Variants in AHCTF1 observed in about 807,000 individuals in gnomAD.
AHCTF1 encodes AT-hook containing transcription factor 1.
In AHCTF1, 24 loss-of-function variants were observed where a neutral mutation model predicts 248.4. The ratio of observed to expected loss-of-function variants is 0.10; its 90% CI spans 0.07 to 0.14. The LOEUF (loss-of-function observed/expected upper bound fraction) is 0.14, where lower values mean the gene tolerates loss of function less well. Ranked by LOEUF, AHCTF1 falls within the 10% of genes least tolerant of loss-of-function variation. The pLI, the probability that AHCTF1 is intolerant of heterozygous loss-of-function variation, is 1.00. For synonymous variants in AHCTF1, 786 were observed against 929.8 expected (o/e 0.85, Z 2.81); for missense variants, 2,206 against 2,636.2 (o/e 0.84, Z 3.57).
At chr1:246,910,608 A>C (rs1665732896) in intron 4 of AHCTF1, among the ~76,000 whole-genome samples, 1 of 152,202 alleles carries the variant, frequency 6.6e-6, no homozygotes, top group South Asian at 2.1e-4. Flanking sequence ...TAACTATCTG[A>C]AGATGTCTGA....
In AHCTF1 at chr1:246,900,447, A is replaced by G; in HGVS notation, c.1140T>C (p.Val380=). ...VNEALSPDTS[V]SVFTWQVNIY... is the part of the protein sequence containing the mutation. ...TATTCACCTGCCAGGTAAAGACTGA[A>G]ACACTAGTGTCAGGCGATAGAGCTG... is the stretch of plus-strand genomic sequence containing the variant. The change falls in exon 9 of 36, where the codon GTT becomes GTC. Residue 380 remains valine (V), a synonymous_variant. Transcript: ENST00000648844. 1 of 1,592,724 alleles carries G rather than the reference A, an allele frequency of 6.3e-7. No individual in the cohort carries two copies. The highest frequency in any genetic ancestry group is 8.5e-7 in the Non-Finnish European group (1 of 1,175,628).
intron 24 of AHCTF1, among the ~76,000 whole-genome samples, chr1:246,870,347 CAGA>C (rs1219724552): frequency 1.3e-5 from 2 of 152,104 alleles, no homozygotes; most frequent in Non-Finnish European, 2.9e-5. Flanking sequence ...CACTTGAGCT[CAGA>C]AGGTCAAGGC....
Position 246,863,996 on chromosome 1 carries a change from T to C in AHCTF1, c.3468A>G (p.Gln1156=), listed in dbSNP as rs1274498623. The C allele has an allele frequency of 1.2e-6, 2 of 1,614,154 alleles. No homozygotes were observed. Among genetic ancestry groups the C allele is most frequent in the Admixed American group, 1.7e-5 (1 of 60,012 alleles). Reference sequence around the variant, plus strand: ...AGATGGCCTGAGGCGATCCTTTTAATTGCGAACTTGAGGGCAGTGAACGGG... The same window carrying C: ...AGATGGCCTGAGGCGATCCTTTTAACTGCGAACTTGAGGGCAGTGAACGGG... ...LVSRSLPSSS[Q]LKGSPQAISR... Residue 1156 remains glutamine (Q), a synonymous_variant, in exon 27 of 36, where the codon CAA becomes CAG. Coordinates refer to ENST00000648844, the MANE Select transcript of AHCTF1 (RefSeq NM_001323342.2).
At chr1:246,847,226 T>C (rs61210171) in intron 33 of AHCTF1, among the ~76,000 whole-genome samples, 1 of 150,948 alleles carries the variant, frequency 6.6e-6, no homozygotes, top group Non-Finnish European at 1.5e-5. Context: ...GAGGCGGAGG[T>C]TGCAGTGAGC....
intron 4 of AHCTF1, among the ~76,000 whole-genome samples, chr1:246,911,700 T>C (rs1665817516): frequency 6.6e-6 from 1 of 152,090 alleles, no homozygotes; most frequent in Non-Finnish European, 1.5e-5. Context: ...GTCAGGCTGG[T>C]CTCAAACTCC....
chr1:246,842,694 T>C lies in AHCTF1; in HGVS notation c.6608A>G (p.Lys2203Arg). ...TCAAGAACAGAACAGAAAGTCATAC[T>C]TGCTTGCTTGTTTTGTTTTTGACGT... is the stretch of plus-strand genomic sequence containing the variant. ...IRTSKTKQAS[K>R]NTEKESAWSP... is the part of the protein sequence containing the mutation. Residue 2203 changes from lysine to arginine, a missense_variant and splice_region_variant, in exon 35 of 36, where the codon AAA becomes AGA. Around this residue, in one of 6 missense-constraint regions of AHCTF1, gnomAD observed 469 missense variants for 470.0 expected, o/e 1.00. Coordinates refer to ENST00000648844, the MANE Select transcript of AHCTF1 (RefSeq NM_001323342.2). 1.9e-6 allele frequency: 3 copies of C among 1,612,866 alleles called. No homozygotes were observed. Among genetic ancestry groups the C allele is most frequent in the Non-Finnish European group, 2.5e-6 (3 of 1,179,772 alleles).
intron 15 of AHCTF1, among the ~76,000 whole-genome samples, 168 bp from the exon 16 acceptor site, chr1:246,891,228 T>C (rs1472275): frequency 0.56 from 85,452 of 151,988 alleles, 24,936 homozygotes; most frequent in African/African-American, 0.71. Context: ...ATCTTTGTAT[T>C]TAGTTTACTT....
At chr1:246,868,413 G>C (rs143015692) in intron 24 of AHCTF1, among the ~76,000 whole-genome samples, 1 of 146,016 alleles carries the variant, frequency 6.8e-6, no homozygotes, top group East Asian at 1.9e-4. Flanking sequence ...GAGCCACTGC[G>C]CCTGGCAATT....
intron 5 of AHCTF1, among the ~76,000 whole-genome samples, chr1:246,907,283 T>C (rs1286463604): frequency 6.6e-6 from 1 of 152,252 alleles, no homozygotes; most frequent in Admixed American, 6.5e-5. Context: ...TACAAAGTCA[T>C]GCTTTACTAG....
At chr1:246,861,442 C>T in intron 28 of AHCTF1, 147 bp from the exon 29 acceptor site, 1 of 809,784 alleles carries the variant, frequency 1.2e-6, no homozygotes. Context: ...ATTCTAAATC[C>T]ATTCTCTTCT....
intron 21 of AHCTF1, among the ~76,000 whole-genome samples, chr1:246,880,567 C>CAA (rs370055569): frequency 0.041 from 2,245 of 54,452 alleles, 36 homozygotes; most frequent in Middle Eastern, 0.076. Context: ...GACTCCAGCT[C>CAA]AAAAAAAAAA....
At chr1:246,891,573 G>A (rs1187667243) in intron 15 of AHCTF1, among the ~76,000 whole-genome samples, 1 of 152,092 alleles carries the variant, frequency 6.6e-6, no homozygotes, top group African/African-American at 2.4e-5. Flanking sequence ...AATTTCCCAA[G>A]CTTATTTAAG....
rs1553291132 is a variant in AHCTF1 at position 246,867,901 on chromosome 1, C to CCACACA, written c.3089-96_3089-91dup. ...TGAAAGAATGATTACACCCCCCCCC[C>CCACACA]CACACACACACACACACACATTACG... On this transcript the variant is annotated intron_variant, in intron 24 of 35. Transcript: ENST00000648844. 9.2e-5 allele frequency: 29 copies of CCACACA among 313,832 alleles called. 1 individual carries two copies. Among genetic ancestry groups the CCACACA allele is most frequent in the African/African-American group, 3.8e-4 (8 of 20,826 alleles). 19.4% of individuals were successfully genotyped at this position (313,832 alleles called of 1,614,324 possible). A position where few individuals can be genotyped will look rare whatever the true frequency, so the allele number is the denominator to read the frequency against.
intron 1 of AHCTF1, 110 bp from the exon 2 acceptor site, chr1:246,918,487 C>T: frequency 8.9e-7 from 1 of 1,117,952 alleles, no homozygotes; most frequent in Non-Finnish European, 1.2e-6. Flanking sequence ...TAAAGAAAAA[C>T]TAAAATCTGG....
chr1:246,861,622 C>A (rs945635934), intron 28 of AHCTF1, among the ~76,000 whole-genome samples: 2 of 152,052 alleles, frequency 1.3e-5, no homozygotes, highest in African/African-American at 4.8e-5. Context: ...TAGTTAGAAA[C>A]AACACAATAT....
intron 6 of AHCTF1, among the ~76,000 whole-genome samples, 166 bp from the exon 7 acceptor site, chr1:246,904,199 A>C (rs1665222858): frequency 6.6e-6 from 1 of 152,234 alleles, no homozygotes. Flanking sequence ...TAGTCCTTTG[A>C]AATAATAATT....
At chr1:246,896,990 T>C (rs113715626) in intron 12 of AHCTF1, among the ~76,000 whole-genome samples, 25 of 152,328 alleles carry the variant, frequency 1.6e-4, no homozygotes, top group African/African-American at 5.8e-4. Context: ...ACCTATAGTT[T>C]ATAGAAGTTC....
intron 1 of AHCTF1, among the ~76,000 whole-genome samples, chr1:246,928,542 A>T (rs533839659): frequency 6.6e-6 from 1 of 152,298 alleles, no homozygotes; most frequent in East Asian, 1.9e-4. Context: ...TCAATTTTTT[A>T]AAACTCAAGA....
intron 26 of AHCTF1, 179 bp from the exon 27 acceptor site, chr1:246,864,295 G>T: frequency 1.6e-6 from 1 of 627,222 alleles, no homozygotes; most frequent in South Asian, 2.6e-5. Flanking sequence ...ATTATTCATC[G>T]CAAAACAGAA....
Sources: gnomAD v4.1 joint callset for allele counts (sites outside exome capture counted in the v4.1 genomes callset) on GRCh38, gnomAD v4.1.1 for gene constraint, gnomAD v4.1.1 regional missense constraint, MANE v1.5 for transcripts, NCBI Gene and HGNC (gene_info 2026-07-23, HGNC 2026-07-21) for gene names.